The following MCTP1 variants were observed in gnomAD, a reference collection of about 807,000 sequenced individuals.
The protein encoded by MCTP1 is multiple C2 and transmembrane domain-containing protein 1.
Under a neutral mutation model 120.6 loss-of-function variants are expected in MCTP1, and 69 were observed. The observed-to-expected ratio is 0.57, with a 90% confidence interval of 0.47 to 0.70. The LOEUF is 0.70. Among genes scored for constraint, MCTP1 ranks in the 30% least tolerant of loss-of-function variants. The pLI, the probability that MCTP1 is intolerant of heterozygous loss-of-function variation, is 0.00. For missense variants in MCTP1, 1,203 were observed against 1,248.8 expected (o/e 0.96, Z 0.55); for synonymous variants, 529 against 493.1 (o/e 1.07, Z -0.96).
At chr5:94,977,744 CTG>C (rs1828446387) in intron 2 of MCTP1, among the ~76,000 whole-genome samples, 1 of 152,124 alleles carries the variant, frequency 6.6e-6, no homozygotes, top group Non-Finnish European at 1.5e-5. Context: ...CTTTTGAAAA[CTG>C]TATATTCACA....
chr5:95,183,322 A>C (rs1748827217), intron 1 of MCTP1, among the ~76,000 whole-genome samples: 1 of 151,728 alleles, frequency 6.6e-6, no homozygotes, highest in Non-Finnish European at 1.5e-5. Flanking sequence ...TAAGCCTTAA[A>C]ACTTCTAGAA....
intron 7 of MCTP1, among the ~76,000 whole-genome samples, chr5:94,919,652 G>A (rs147214683): frequency 6.6e-6 from 1 of 152,248 alleles, no homozygotes; most frequent in Non-Finnish European, 1.5e-5. Context: ...TGATCCCCGA[G>A]ACACTACAAA....
chr5:95,049,995 G>A (rs1400501554), intron 1 of MCTP1, among the ~76,000 whole-genome samples: 1 of 151,628 alleles, frequency 6.6e-6, no homozygotes, highest in Non-Finnish European at 1.5e-5. Flanking sequence ...GAGATTGGTG[G>A]GCAGGTAGGA....
chr5:94,715,019 G>A (rs1241577524), intron 19 of MCTP1, 133 bp from the exon 20 acceptor site: 3 of 593,412 alleles, frequency 5.1e-6, no homozygotes, highest in Non-Finnish European at 8.9e-6. Context: ...ATGGATAATT[G>A]GAACCCATGA....
rs1812373958 is a variant in MCTP1, at chr5:94,924,024, A to G, written c.1213-3T>C. The G allele has an allele frequency of 2.0e-6, 3 of 1,474,208 alleles. No individual in the cohort carries two copies. The highest frequency in any genetic ancestry group is 9.1e-7 in the Non-Finnish European group (1 of 1,102,568). The allele number at this position is 1,474,208 out of a possible 1,614,324, so 91.3% of individuals were successfully genotyped here. On this transcript the variant is annotated splice_region_variant and splice_polypyrimidine_tract_variant and intron_variant, in intron 6 of 22. Coordinates refer to ENST00000515393, the MANE Select transcript of MCTP1 (RefSeq NM_024717.7). ...ACCACTTCATTTTCTGAAAGTTCCT[A>G]GAAACAAACAAATATTTAGCTACAT...
At chr5:94,736,550 G>A (rs187351273) in intron 19 of MCTP1, among the ~76,000 whole-genome samples, 1 of 152,232 alleles carries the variant, frequency 6.6e-6, no homozygotes, top group East Asian at 1.9e-4. Context: ...GATAAATAAA[G>A]GCAATGTAAA....
chr5:95,009,056 A>AG (rs1835361453), intron 2 of MCTP1, among the ~76,000 whole-genome samples: 1 of 129,472 alleles, frequency 7.7e-6, no homozygotes, highest in Non-Finnish European at 1.5e-5. Context: ...GAGAGGGAGA[A>AG]AGAGAGAGAG....
At chr5:94,820,270 A>C (rs1221150229) in intron 17 of MCTP1, among the ~76,000 whole-genome samples, 1 of 152,246 alleles carries the variant, frequency 6.6e-6, no homozygotes, top group Admixed American at 6.5e-5. Context: ...TATTTTTGGC[A>C]GATGCTCTGA....
rs1465030053 is a variant in MCTP1, at chr5:94,776,015, T to G, written c.2610+3095A>C. On this transcript the variant is annotated intron_variant, in intron 19 of 22. Transcript: ENST00000515393. ...GCCATAATCTGGAAGAACTTCAAAA[T>G]CTAGGAATCCAGGTAAATCATGATT... 1.3e-4 allele frequency among the ~76,000 whole-genome samples: 20 copies of G among 149,632 alleles called. No homozygotes were observed. The South Asian group carries it at 4.2e-3, about 31-fold the overall frequency.
chr5:94,772,452 T>G (rs539241774), intron 19 of MCTP1, among the ~76,000 whole-genome samples: 2 of 152,270 alleles, frequency 1.3e-5, no homozygotes, highest in African/African-American at 4.8e-5. Flanking sequence ...GCCTCTCCAC[T>G]TCTGATCACA....
chr5:94,915,057 A>G (rs1485794804), intron 8 of MCTP1, among the ~76,000 whole-genome samples: 1 of 152,242 alleles, frequency 6.6e-6, no homozygotes, highest in African/African-American at 2.4e-5. Context: ...AAGAAAACAA[A>G]TGTTGTGGCA....
chr5:95,136,180 T>C (rs1450145907), intron 1 of MCTP1, among the ~76,000 whole-genome samples: 1 of 152,218 alleles, frequency 6.6e-6, no homozygotes. Flanking sequence ...TCTTCAACCT[T>C]ATCCACTGGT....
intron 1 of MCTP1, among the ~76,000 whole-genome samples, chr5:95,145,195 C>A (rs907993186): frequency 6.6e-6 from 1 of 152,046 alleles, no homozygotes; most frequent in Non-Finnish European, 1.5e-5. Flanking sequence ...TGGCTCAGAG[C>A]TAGGATGTTA....
intron 1 of MCTP1, among the ~76,000 whole-genome samples, chr5:95,086,311 C>T (rs934530687): frequency 6.6e-6 from 1 of 152,098 alleles, no homozygotes; most frequent in African/African-American, 2.4e-5. Context: ...AATACATACA[C>T]ATTTACAGAC....
chr5:94,867,751 C>T (rs980997732), intron 17 of MCTP1: 5 of 187,082 alleles, frequency 2.7e-5, no homozygotes, highest in East Asian at 1.3e-4. Flanking sequence ...TAAAAGGCCA[C>T]AAGATGAACA....
chr5:94,898,068 G>A, intron 10 of MCTP1, among the ~76,000 whole-genome samples: 1 of 152,270 alleles, frequency 6.6e-6, no homozygotes, highest in African/African-American at 2.4e-5. Context: ...CAATATAAAT[G>A]TATAGGGAAT....
chr5:95,141,536 A>G (rs1010840775), intron 1 of MCTP1, among the ~76,000 whole-genome samples: 4 of 152,170 alleles, frequency 2.6e-5, no homozygotes, highest in Non-Finnish European at 4.4e-5. Context: ...TTGAAGGCAA[A>G]GTCCTAGATA....
At chr5:94,836,426 G>A (rs2153184452) in intron 17 of MCTP1, among the ~76,000 whole-genome samples, 1 of 152,248 alleles carries the variant, frequency 6.6e-6, no homozygotes, top group South Asian at 2.1e-4. Context: ...AGAATGAATA[G>A]TAAAGACAGA....
intron 2 of MCTP1, among the ~76,000 whole-genome samples, chr5:94,980,534 T>C (rs1319872626): frequency 3.9e-5 from 6 of 152,164 alleles, no homozygotes; most frequent in African/African-American, 1.4e-4. Context: ...TGTGATATAG[T>C]ATATTTTGAT....
Sources: gnomAD v4.1 joint callset for allele counts (sites outside exome capture counted in the v4.1 genomes callset) on GRCh38, gnomAD v4.1.1 for gene constraint, MANE v1.5 for transcripts, NCBI Gene and HGNC (gene_info 2026-07-23, HGNC 2026-07-21) for gene names.